SH3BGRL2: variants seen among roughly 807,000 people sequenced by gnomAD.
SH3BGRL2 encodes SH3 domain binding glutamate rich protein like 2.
Under a neutral mutation model 14.8 loss-of-function variants are expected in SH3BGRL2, and 21 were observed. The ratio of observed to expected loss-of-function variants is 1.42; its 90% CI spans 1.01 to 2.05. The LOEUF is 2.05. SH3BGRL2 is among the 30% of genes most tolerant of loss of function. SH3BGRL2 has a pLI of 0.00. For missense variants in SH3BGRL2, 147 were observed against 130.8 expected, an observed-to-expected ratio of 1.12 and a Z score of -0.61; for synonymous variants, 50 against 47.8, an observed-to-expected ratio of 1.05 and a Z score of -0.19.
In SH3BGRL2 at chr6:79,690,187, T is replaced by C. The variant is rs573490424; in HGVS notation, c.232-6298T>C. Among the ~76,000 whole-genome samples the C allele has an allele frequency of 3.0e-4, 45 of 152,124 alleles. No homozygotes were observed. In the South Asian group the frequency reaches 8.7e-3, roughly 30 times the overall value. On this transcript the variant is annotated intron_variant, in intron 2 of 3. Transcript: ENST00000369838. ...TTTAATATTTTTTAGAGACGGGGTC[T>C]TGCTGTGTTGCTCAGGCTTGTCTCA...
the SH3BGRL2 span, among the ~76,000 whole-genome samples, chr6:79,542,533 T>G: frequency 6.6e-6 from 1 of 152,178 alleles, no homozygotes; most frequent in South Asian, 2.1e-4. Context: ...CCTCCCAAAG[T>G]GCTGGGATTA....
chr6:79,646,183 A>T (rs1254468389), intron 1 of SH3BGRL2, among the ~76,000 whole-genome samples: 1 of 152,192 alleles, frequency 6.6e-6, no homozygotes, highest in East Asian at 1.9e-4. Flanking sequence ...AGGGGGCAAA[A>T]TCGCCCCTGG....
chr6:79,584,765 C>A, the SH3BGRL2 span, among the ~76,000 whole-genome samples: 1 of 152,034 alleles, frequency 6.6e-6, no homozygotes, highest in Non-Finnish European at 1.5e-5. Flanking sequence ...CTGGTAATGT[C>A]CAGTGTTGAT....
chr6:79,577,271 T>C, the SH3BGRL2 span, among the ~76,000 whole-genome samples: 1 of 152,240 alleles, frequency 6.6e-6, no homozygotes, highest in Admixed American at 6.5e-5. Flanking sequence ...CCTTGTTTAC[T>C]GCAGCCTTAT....
the SH3BGRL2 span, among the ~76,000 whole-genome samples, chr6:79,584,431 C>T: frequency 2.6e-5 from 4 of 151,984 alleles, no homozygotes; most frequent in Non-Finnish European, 1.5e-5. Flanking sequence ...TAAAAGAGTC[C>T]ACTGCCACGT....
intron 1 of SH3BGRL2, among the ~76,000 whole-genome samples, chr6:79,640,283 A>T (rs966403234): frequency 1.3e-5 from 2 of 152,196 alleles, no homozygotes; most frequent in African/African-American, 4.8e-5. Flanking sequence ...CTAGTTTCAC[A>T]GTGGACTGTG....
chr6:79,548,154 C>T, the SH3BGRL2 span, among the ~76,000 whole-genome samples: 3 of 152,132 alleles, frequency 2.0e-5, no homozygotes, highest in African/African-American at 7.2e-5. Context: ...TAAGCCTGAG[C>T]CACCACTCCC....
At chr6:79,547,793 A>G in the SH3BGRL2 span, among the ~76,000 whole-genome samples, 2 of 152,204 alleles carry the variant, frequency 1.3e-5, no homozygotes, top group African/African-American at 4.8e-5. Context: ...TAGAAAAAAA[A>G]ATGTAATTTT....
At chr6:79,631,821 A>G (rs1005241133) in intron 1 of SH3BGRL2, among the ~76,000 whole-genome samples, 1 of 152,146 alleles carries the variant, frequency 6.6e-6, no homozygotes, top group African/African-American at 2.4e-5. Context: ...GTTGTTCAAG[A>G]GCTTCGGGGA....
At chr6:79,628,184 T>C (rs1229460708), upstream of SH3BGRL2, among the ~76,000 whole-genome samples, 2 of 152,150 alleles carry the variant, frequency 1.3e-5, no homozygotes, top group East Asian at 3.8e-4. Flanking sequence ...GAATCATACA[T>C]ATTATCATAT....
intron 1 of SH3BGRL2, among the ~76,000 whole-genome samples, chr6:79,660,367 C>T (rs1769518369): frequency 6.6e-6 from 1 of 152,124 alleles, no homozygotes; most frequent in African/African-American, 2.4e-5. Context: ...TGAATTTTGT[C>T]AAATGCCTTT....
chr6:79,616,428 G>A, the SH3BGRL2 span, among the ~76,000 whole-genome samples: 1 of 152,206 alleles, frequency 6.6e-6, no homozygotes, highest in East Asian at 1.9e-4. Context: ...GGAGTAATAA[G>A]AATCAATATT....
At chr6:79,572,302 G>A in the SH3BGRL2 span, among the ~76,000 whole-genome samples, 832 of 152,206 alleles carry the variant, frequency 5.5e-3, 11 homozygotes, top group African/African-American at 0.019. Context: ...AATATGTAAA[G>A]CATGCTCTTC....
intron 2 of SH3BGRL2, 33 bp from the exon 3 acceptor site, chr6:79,696,449 TTTG>T: frequency 7.0e-7 from 1 of 1,430,328 alleles, no homozygotes. Flanking sequence ...ATTGTTTGCT[TTTG>T]TTGGTTTATT....
At chr6:79,540,270 TA>T in the SH3BGRL2 span, among the ~76,000 whole-genome samples, 21 of 151,866 alleles carry the variant, frequency 1.4e-4, no homozygotes, top group African/African-American at 5.1e-4. Flanking sequence ...CTGTCTCTAA[TA>T]AAAATACAAA....
At chr6:79,695,862 A>T (rs899680443) in intron 2 of SH3BGRL2, among the ~76,000 whole-genome samples, 6 of 152,216 alleles carry the variant, frequency 3.9e-5, no homozygotes, top group Non-Finnish European at 7.3e-5. Flanking sequence ...ATTGACCAGA[A>T]TTCCTTGATG....
the SH3BGRL2 span, among the ~76,000 whole-genome samples, chr6:79,595,927 G>A: frequency 2.0e-5 from 3 of 152,012 alleles, no homozygotes; most frequent in Non-Finnish European, 2.9e-5. Flanking sequence ...AAAATCCTAC[G>A]GATTCCACTA....
At chr6:79,607,901 G>T in the SH3BGRL2 span, among the ~76,000 whole-genome samples, 1 of 152,064 alleles carries the variant, frequency 6.6e-6, no homozygotes, top group Non-Finnish European at 1.5e-5. Context: ...AGCCGAGATC[G>T]CACCATTGCA....
chr6:79,624,696 T>C, the SH3BGRL2 span, among the ~76,000 whole-genome samples: 1 of 152,188 alleles, frequency 6.6e-6, no homozygotes, highest in Non-Finnish European at 1.5e-5. Context: ...CTTGTTATAG[T>C]TGCAGGATGG....
Sources: gnomAD v4.1 joint callset for allele counts (sites outside exome capture counted in the v4.1 genomes callset) on GRCh38, gnomAD v4.1.1 for gene constraint, MANE v1.5 for transcripts, NCBI Gene and HGNC (gene_info 2026-07-23, HGNC 2026-07-21) for gene names.